Variants in TRUB1 observed in about 807,000 individuals in gnomAD.
The protein encoded by TRUB1 is pseudouridylate synthase TRUB1.
In TRUB1, 23 loss-of-function variants were observed where a neutral mutation model predicts 33.9. The observed-to-expected ratio is 0.68, with a 90% CI of 0.49 to 0.96. TRUB1 has a LOEUF of 0.96. Ranked by LOEUF, TRUB1 falls within the 40% of genes least tolerant of loss-of-function variation. The pLI, the probability that TRUB1 is intolerant of heterozygous loss-of-function variation, is 0.00. For synonymous variants in TRUB1, 163 were observed against 165.4 expected (o/e 0.99, Z 0.11); for missense variants, 378 against 422.2 (o/e 0.90, Z 0.92).
chr10:114,972,047 AT>A (rs2143031088), intron 5 of TRUB1, 87 bp from the exon 6 acceptor site: 1 of 1,463,040 alleles, frequency 6.8e-7, no homozygotes, highest in African/African-American at 1.4e-5. Context: ...TCCATGCTAA[AT>A]CTGAAATTAT....
chr10:114,958,210 C>T (rs1309499837), intron 3 of TRUB1, among the ~76,000 whole-genome samples: 1 of 152,204 alleles, frequency 6.6e-6, no homozygotes, highest in Non-Finnish European at 1.5e-5. Context: ...ATACTTCCCC[C>T]TGTGGTATGC....
chr10:114,945,462 G>A (rs1003262305), intron 2 of TRUB1, among the ~76,000 whole-genome samples: 3 of 152,192 alleles, frequency 2.0e-5, no homozygotes, highest in East Asian at 1.9e-4. Context: ...GCTTGTTTAC[G>A]AATAGATCAA....
intron 4 of TRUB1, among the ~76,000 whole-genome samples, chr10:114,969,056 GA>G (rs1174691452): frequency 6.6e-6 from 1 of 151,180 alleles, no homozygotes; most frequent in Non-Finnish European, 1.5e-5. Context: ...CTTTGAGTAT[GA>G]AAATTCTAAA....
At chr10:114,941,337 CTT>C (rs34806644) in intron 1 of TRUB1, among the ~76,000 whole-genome samples, 31 of 147,046 alleles carry the variant, frequency 2.1e-4, no homozygotes, top group Non-Finnish European at 2.1e-4. Context: ...TTTGCATTAT[CTT>C]TTTTTTTTTT....
At chr10:114,954,704 G>A (rs1412281884) in intron 3 of TRUB1, among the ~76,000 whole-genome samples, 1 of 151,760 alleles carries the variant, frequency 6.6e-6, no homozygotes, top group Non-Finnish European at 1.5e-5. Flanking sequence ...TGTGTGAAAA[G>A]CATGTGAACT....
At chr10:114,961,532 A>G (rs886143424) in intron 4 of TRUB1, among the ~76,000 whole-genome samples, 2 of 152,206 alleles carry the variant, frequency 1.3e-5, no homozygotes, top group African/African-American at 4.8e-5. Flanking sequence ...TCTATGCTGT[A>G]TTAGGTAATT....
intron 7 of TRUB1, 111 bp from the exon 8 acceptor site, chr10:114,975,012 T>C: frequency 1.6e-6 from 2 of 1,256,768 alleles, no homozygotes; most frequent in Non-Finnish European, 2.2e-6. Flanking sequence ...TATTATACTT[T>C]TGGGTGGTTT....
At chr10:114,952,854 G>A (rs2084243151) in intron 3 of TRUB1, among the ~76,000 whole-genome samples, 1 of 151,918 alleles carries the variant, frequency 6.6e-6, no homozygotes, top group Non-Finnish European at 1.5e-5. Flanking sequence ...TTTAATATTT[G>A]TTTCTGAACT....
chr10:114,974,095 A>G (rs1309791992), intron 6 of TRUB1, among the ~76,000 whole-genome samples: 1 of 152,174 alleles, frequency 6.6e-6, no homozygotes, highest in Non-Finnish European at 1.5e-5. Flanking sequence ...ATGCCTTGCC[A>G]GTTAATTTAA....
chr10:114,964,043 A>G (rs922862246), intron 4 of TRUB1, among the ~76,000 whole-genome samples: 10 of 152,024 alleles, frequency 6.6e-5, no homozygotes, highest in African/African-American at 2.4e-4. Context: ...GTGGGTGTAT[A>G]TTTAACTGTA....
intron 4 of TRUB1, among the ~76,000 whole-genome samples, chr10:114,967,368 T>A (rs1332336115): frequency 6.6e-6 from 1 of 152,228 alleles, no homozygotes; most frequent in Non-Finnish European, 1.5e-5. Flanking sequence ...CAGCTGTTTA[T>A]GGTGGCAAGA....
At chr10:114,969,690 T>G (rs1564701825) in intron 4 of TRUB1, 2 of 150,582 alleles carry the variant, frequency 1.3e-5, no homozygotes, top group Non-Finnish European at 3.0e-5. Context: ...TATGTGTGTT[T>G]TTTTTTTTTT....
intron 6 of TRUB1, 73 bp from the exon 7 acceptor site, chr10:114,974,256 A>G: frequency 9.1e-7 from 1 of 1,098,800 alleles, no homozygotes; most frequent in South Asian, 1.3e-5. Context: ...ACATTTGTTT[A>G]GGGACATCAT....
rs2084265639 is a variant in TRUB1 at position 114,957,278 on chromosome 10, A to G, written c.442-2448A>G. ...GTCATCATGTGCTAAGATGTGTGAT[A>G]TGTGTGATATGAGAGCTCAGTGAGA... On this transcript the variant is annotated intron_variant, in intron 3 of 7. Coordinates refer to ENST00000298746, the MANE Select transcript of TRUB1 (RefSeq NM_139169.5). Among the ~76,000 whole-genome samples, 3 of 151,142 alleles carry G rather than the reference A, an allele frequency of 2.0e-5. No homozygotes were observed. In the South Asian group the frequency reaches 6.2e-4, roughly 31 times the overall value.
At chr10:114,962,887 A>G (rs2084290257) in intron 4 of TRUB1, among the ~76,000 whole-genome samples, 1 of 152,216 alleles carries the variant, frequency 6.6e-6, no homozygotes, top group Non-Finnish European at 1.5e-5. Flanking sequence ...AGGCATTCTC[A>G]GAAAAGATGA....
At position 114,972,127 on chromosome 10, in the gene TRUB1, C is replaced by A. The variant is rs1592054911; in HGVS notation, c.597-8C>A. The A allele has an allele frequency of 6.2e-7, 1 of 1,612,334 alleles. No individual in the cohort carries two copies. Among genetic ancestry groups the A allele is most frequent in the East Asian group, 2.2e-5 (1 of 44,794 alleles). On this transcript the variant is annotated splice_region_variant and splice_polypyrimidine_tract_variant and intron_variant, in intron 5 of 7. Coordinates refer to ENST00000298746, the MANE Select transcript of TRUB1 (RefSeq NM_139169.5). Reference sequence around the variant, plus strand: ...TTCCTTCCATTTCTCCTTCTCTCATCTCACAAGCTATTCTGCATTAAAGAA... The same window carrying A: ...TTCCTTCCATTTCTCCTTCTCTCATATCACAAGCTATTCTGCATTAAAGAA...
In TRUB1 at chr10:114,977,582, T is replaced by A. The variant is rs1200325179; in HGVS notation, c.*2203T>A. On this transcript the variant is annotated 3_prime_UTR_variant, in exon 8 of 8. Transcript: ENST00000298746. ...TATGTTGTTGCTAATTTAGTAAACA[T>A]AGGAGAGAAATCAAAGTTTTTCTGA... 3 of 152,024 alleles carry A rather than the reference T, an allele frequency of 2.0e-5. No homozygotes were observed. The highest frequency in any genetic ancestry group is 4.4e-5 in the Non-Finnish European group (3 of 67,914). 9.4% of individuals were successfully genotyped at this position (152,024 alleles called of 1,614,324 possible). A position where few individuals can be genotyped will look rare whatever the true frequency, so the allele number is the denominator to read the frequency against.
At chr10:114,974,804 C>T (rs996871733) in intron 7 of TRUB1, among the ~76,000 whole-genome samples, 2 of 152,036 alleles carry the variant, frequency 1.3e-5, no homozygotes, top group African/African-American at 4.8e-5. Flanking sequence ...TGGCAGTTGT[C>T]GCACTGGACA....
chr10:114,961,717 G>T (rs1025012212), intron 4 of TRUB1, among the ~76,000 whole-genome samples: 1 of 152,264 alleles, frequency 6.6e-6, no homozygotes, highest in East Asian at 1.9e-4. Context: ...AGAGAATTTT[G>T]CTGATTGGCA....
Sources: gnomAD v4.1 joint callset for allele counts (sites outside exome capture counted in the v4.1 genomes callset) on GRCh38, gnomAD v4.1.1 for gene constraint, MANE v1.5 for transcripts, NCBI Gene and HGNC (gene_info 2026-07-23, HGNC 2026-07-21) for gene names.